The following PALMD variants were observed in gnomAD, a reference collection of about 807,000 sequenced individuals.
PALMD encodes palmdelphin.
Under a neutral mutation model 56.2 loss-of-function variants are expected in PALMD, and 42 were observed. The ratio of observed to expected loss-of-function variants is 0.75; its 90% CI spans 0.58 to 0.97. The LOEUF is 0.97. Among genes scored for constraint, PALMD ranks in the 50% least tolerant of loss-of-function variants. The probability of loss-of-function intolerance (pLI) is 0.00; values close to 1 mark genes in which losing one functional copy is unlikely to be tolerated. For missense variants in PALMD, 660 were observed against 643.8 expected, an observed-to-expected ratio of 1.03 and a Z score of -0.27; for synonymous variants, 242 against 222.9, an observed-to-expected ratio of 1.09 and a Z score of -0.76.
chr1:99,691,498 A>G (rs1653650979), intron 7 of PALMD, among the ~76,000 whole-genome samples: 1 of 152,194 alleles, frequency 6.6e-6, no homozygotes, highest in Admixed American at 6.5e-5. Context: ...TATCTTATAA[A>G]CAGAATGCTC....
intron 7 of PALMD, among the ~76,000 whole-genome samples, chr1:99,691,240 C>T (rs1242114131): frequency 1.3e-5 from 2 of 152,086 alleles, no homozygotes; most frequent in African/African-American, 4.8e-5. Context: ...ACACTGTTTA[C>T]GGTCAATAGC....
rs566019235 is a variant in PALMD, at chr1:99,646,201, A to G, written c.-117A>G. 4 of 803,416 alleles carry G rather than the reference A, an allele frequency of 5.0e-6. No homozygotes were observed. Among genetic ancestry groups the G allele is most frequent in the South Asian group, 4.4e-5 (3 of 68,512 alleles). The allele number at this position is 803,416 out of a possible 1,614,324, so 49.8% of individuals were successfully genotyped here. A position where few individuals can be genotyped will look rare whatever the true frequency, so the allele number is the denominator to read the frequency against. On this transcript the variant is annotated 5_prime_UTR_variant, in exon 1 of 8. Coordinates refer to ENST00000263174, the MANE Select transcript of PALMD (RefSeq NM_017734.5). Reference sequence around the variant, plus strand: ...ATTTCTCTATTTCTCCACTGGTGCAAAGAGCGGATTTCTCCCTGCTTCTCT... The same window carrying G: ...ATTTCTCTATTTCTCCACTGGTGCAGAGAGCGGATTTCTCCCTGCTTCTCT...
At chr1:99,650,925 C>T (rs1389857442) in intron 1 of PALMD, among the ~76,000 whole-genome samples, 1 of 152,200 alleles carries the variant, frequency 6.6e-6, no homozygotes, top group African/African-American at 2.4e-5. Flanking sequence ...GTGTTTGGAT[C>T]ATTGTATTAT....
At chr1:99,673,405 T>C (rs1391400496) in intron 3 of PALMD, among the ~76,000 whole-genome samples, 1 of 152,134 alleles carries the variant, frequency 6.6e-6, no homozygotes, top group Non-Finnish European at 1.5e-5. Context: ...TAGATGTTTC[T>C]GCCTTCCTAC....
chr1:99,685,130 T>C (rs1653456714), intron 3 of PALMD: 1 of 152,132 alleles, frequency 6.6e-6, no homozygotes, highest in Non-Finnish European at 1.5e-5. Context: ...ATATTCAATG[T>C]ACTTTCATAT....
intron 1 of PALMD, among the ~76,000 whole-genome samples, chr1:99,653,445 T>C (rs1270493261): frequency 6.6e-6 from 1 of 152,208 alleles, no homozygotes; most frequent in Non-Finnish European, 1.5e-5. Flanking sequence ...GGATTCTGTT[T>C]AGAGGTCTGT....
At chr1:99,648,888 C>CAAAAA (rs34722891) in intron 1 of PALMD, among the ~76,000 whole-genome samples, 1 of 126,922 alleles carries the variant, frequency 7.9e-6, no homozygotes, top group Non-Finnish European at 1.6e-5. Flanking sequence ...TTCTTTTTCT[C>CAAAAA]AAAAAAAAAA....
At chr1:99,687,778 G>T (rs536363919) in intron 6 of PALMD, among the ~76,000 whole-genome samples, 1 of 152,244 alleles carries the variant, frequency 6.6e-6, no homozygotes, top group East Asian at 1.9e-4. Context: ...CACATAGTAG[G>T]TATTCACTAA....
At chr1:99,679,915 C>T (rs4276937) in intron 3 of PALMD, among the ~76,000 whole-genome samples, 5,853 of 152,166 alleles carry the variant, frequency 0.038, 398 homozygotes, top group African/African-American at 0.13. Flanking sequence ...GCTGTAAGGA[C>T]GAAATAGGCC....
At chr1:99,688,005 T>C (rs994053887) in intron 6 of PALMD, among the ~76,000 whole-genome samples, 7 of 152,172 alleles carry the variant, frequency 4.6e-5, no homozygotes, top group Non-Finnish European at 1.0e-4. Flanking sequence ...CTATTCGCTT[T>C]ACCTTTCCTA....
intron 3 of PALMD, among the ~76,000 whole-genome samples, chr1:99,682,158 T>C (rs1266127479): frequency 1.3e-5 from 2 of 152,242 alleles, no homozygotes; most frequent in Non-Finnish European, 2.9e-5. Flanking sequence ...ATTCATCTGA[T>C]ATTTATATTG....
chr1:99,669,598 C>T (rs1653041991), intron 3 of PALMD: 2 of 152,298 alleles, frequency 1.3e-5, no homozygotes, highest in East Asian at 3.8e-4. Flanking sequence ...ACACACTGAA[C>T]ACCTACAACT....
intron 3 of PALMD, among the ~76,000 whole-genome samples, chr1:99,681,163 C>T (rs1653337011): frequency 6.7e-6 from 1 of 149,502 alleles, no homozygotes; most frequent in African/African-American, 2.5e-5. Flanking sequence ...GTATAGAGCC[C>T]GGACTTTAAT....
At chr1:99,667,582 A>G (rs1176913847) in intron 2 of PALMD, 60 bp from the exon 3 acceptor site, 4 of 1,417,774 alleles carry the variant, frequency 2.8e-6, no homozygotes, top group African/African-American at 1.4e-5. Context: ...TGAAAGCAGT[A>G]AGAGATTTTG....
chr1:99,663,500 T>C (rs1457417710), intron 2 of PALMD, among the ~76,000 whole-genome samples: 1 of 152,066 alleles, frequency 6.6e-6, no homozygotes, highest in Non-Finnish European at 1.5e-5. Flanking sequence ...TCTAGAAAGT[T>C]TTTTAGATAG....
At chr1:99,647,502 A>G (rs371250857) in intron 1 of PALMD, among the ~76,000 whole-genome samples, 38 of 152,374 alleles carry the variant, frequency 2.5e-4, no homozygotes, top group African/African-American at 8.4e-4. Flanking sequence ...GCACTTTTCC[A>G]TAAAACAATG....
chr1:99,659,275 A>C (rs1363497361), intron 1 of PALMD, among the ~76,000 whole-genome samples: 6 of 152,248 alleles, frequency 3.9e-5, no homozygotes, highest in Non-Finnish European at 8.8e-5. Context: ...CGAATAAATT[A>C]ATTTTCAAAA....
chr1:99,665,150 C>G (rs1652933868), intron 2 of PALMD, among the ~76,000 whole-genome samples: 1 of 152,054 alleles, frequency 6.6e-6, no homozygotes, highest in Admixed American at 6.6e-5. Context: ...TCAATTCAAT[C>G]TACAAAAAAC....
chr1:99,675,543 T>C (rs181738890), intron 3 of PALMD, among the ~76,000 whole-genome samples: 1 of 152,280 alleles, frequency 6.6e-6, no homozygotes, highest in African/African-American at 2.4e-5. Context: ...TCCTATTAAA[T>C]GTTTGGCATG....
Sources: allele counts gnomAD v4.1 joint callset (sites outside exome capture counted in the v4.1 genomes callset), GRCh38; gene constraint gnomAD v4.1.1; transcripts MANE v1.5; gene names NCBI Gene and HGNC (gene_info 2026-07-23, HGNC 2026-07-21).